The following UBA6 variants were observed in gnomAD, a reference collection of about 807,000 sequenced individuals.
The protein encoded by UBA6 is ubiquitin like modifier activating enzyme 6.
Under a neutral mutation model 148.3 loss-of-function variants are expected in UBA6, and 87 were observed. The ratio of observed to expected loss-of-function variants is 0.59; its 90% confidence interval spans 0.49 to 0.70. The LOEUF is 0.70. UBA6 is among the 30% of genes least tolerant of loss of function. The pLI is 0.00. For synonymous variants in UBA6, 376 were observed against 401.0 expected (o/e 0.94, Z 0.75); for missense variants, 1,186 against 1,241.2 (o/e 0.96, Z 0.67).
In UBA6 at chr4:67,622,780, A is replaced by C. The variant is rs375045623; in HGVS notation, c.3023+51T>G. The C allele has an allele frequency of 1.2e-4, 157 of 1,311,018 alleles. No individual in the cohort carries two copies. In the African/African-American group the frequency reaches 2.2e-3, roughly 18 times the overall value. The allele number at this position is 1,311,018 out of a possible 1,614,324, so 81.2% of individuals were successfully genotyped here. A position where few individuals can be genotyped will look rare whatever the true frequency, so the allele number is the denominator to read the frequency against. ...TATATTTAATTTTTTAGTGTGCATC[A>C]ACTTACATTTAAATTCTTGTTAATC... On this transcript the variant is annotated intron_variant, in intron 32 of 32. Coordinates refer to ENST00000322244, the MANE Select transcript of UBA6 (RefSeq NM_018227.6).
intron 26 of UBA6, among the ~76,000 whole-genome samples, chr4:67,630,169 G>A (rs533680020): frequency 1.4e-4 from 21 of 152,172 alleles, no homozygotes; most frequent in Middle Eastern, 6.8e-3. Context: ...GAATAACTAG[G>A]ATAACTGAAG....
chr4:67,629,039 T>TC (rs1728937372), intron 27 of UBA6, 32 bp downstream of exon 27: 1 of 1,482,944 alleles, frequency 6.7e-7, no homozygotes, highest in African/African-American at 1.4e-5. Flanking sequence ...ATTCCCAAAC[T>TC]ATTTGCTGAA....
At chr4:67,673,814 CA>C (rs1730209956) in intron 6 of UBA6, 37 bp from the exon 7 acceptor site, 1 of 1,449,806 alleles carries the variant, frequency 6.9e-7, no homozygotes, top group African/African-American at 1.4e-5. Context: ...CTAGAAAATA[CA>C]TAATTATTTT....
intron 9 of UBA6, 139 bp from the exon 10 acceptor site, chr4:67,665,431 G>GTTTTT: frequency 1.2e-5 from 4 of 344,540 alleles, no homozygotes; most frequent in South Asian, 1.0e-4. Flanking sequence ...TTGTTTGTTT[G>GTTTTT]TTTTTTTTTT....
chr4:67,649,439 C>CTA (rs1475777440), intron 13 of UBA6, among the ~76,000 whole-genome samples: 1 of 151,850 alleles, frequency 6.6e-6, no homozygotes, highest in Non-Finnish European at 1.5e-5. Context: ...TCTTTGGATT[C>CTA]TATATGTCAC....
chr4:67,634,652 TTCTC>T (rs904997690), intron 20 of UBA6, 134 bp from the exon 21 acceptor site: 3 of 566,632 alleles, frequency 5.3e-6, no homozygotes, highest in East Asian at 3.1e-5. Context: ...TTTTTATATC[TTCTC>T]TCTCTTAGGC....
At chr4:67,637,158 G>T (rs1315731306) in intron 19 of UBA6, among the ~76,000 whole-genome samples, 1 of 151,606 alleles carries the variant, frequency 6.6e-6, no homozygotes, top group Non-Finnish European at 1.5e-5. Flanking sequence ...CCGCCCGGCA[G>T]CCGCCCCGTC....
chr4:67,681,289 A>G (rs1458288069), intron 4 of UBA6, among the ~76,000 whole-genome samples: 2 of 152,232 alleles, frequency 1.3e-5, no homozygotes, highest in Admixed American at 6.5e-5. Context: ...TGAAATTTAC[A>G]TCAAAATAAT....
rs529301908 is a variant in UBA6 at position 67,660,684 on chromosome 4, CAG to C, written c.1104+1503_1104+1504del. 4.4e-3 allele frequency among the ~76,000 whole-genome samples: 665 copies of C among 152,320 alleles called. 5 individuals carry two copies. The highest frequency in any genetic ancestry group is 0.015 in the African/African-American group (634 of 41,568). On this transcript the variant is annotated intron_variant, in intron 13 of 32. Transcript: ENST00000322244. ...GGATAATGTGGGGTTGGAGCCCCCACAGAGAGTCCCCATTGGCACTGCCTAGT... is the reference window on the plus strand; with the variant it reads ...GGATAATGTGGGGTTGGAGCCCCCACAGAGTCCCCATTGGCACTGCCTAGT...
In UBA6 at chr4:67,637,411, G is replaced by A. The variant is rs573269035; in HGVS notation, c.1736+1532C>T. On this transcript the variant is annotated intron_variant, in intron 19 of 32. Transcript: ENST00000322244. The stretch of plus-strand genomic sequence containing the variant: ...TGGGAAGTGAGGAGCCCCTCTGCCC[G>A]GCTGCCACCCCGTCTGGGAGGTGTA... 3.7e-3 allele frequency among the ~76,000 whole-genome samples: 562 copies of A among 151,334 alleles called. 3 individuals are homozygous for A. Among genetic ancestry groups the A allele is most frequent in the African/African-American group, 0.013 (536 of 41,246 alleles).
chr4:67,699,721 C>T (rs1730928329), intron 1 of UBA6, among the ~76,000 whole-genome samples: 1 of 152,116 alleles, frequency 6.6e-6, no homozygotes, highest in Non-Finnish European at 1.5e-5. Context: ...CTCATCTTAG[C>T]CTCCCGAGTA....
At chr4:67,631,639 T>C (rs903546746) in intron 25 of UBA6, 69 bp downstream of exon 25, 10 of 1,177,690 alleles carry the variant, frequency 8.5e-6, no homozygotes, top group Admixed American at 2.2e-5. Flanking sequence ...CTCTGCAATG[T>C]ACAGTTAAGG....
At chr4:67,619,979 T>C (rs1000673732) in intron 32 of UBA6, among the ~76,000 whole-genome samples, 1 of 152,226 alleles carries the variant, frequency 6.6e-6, no homozygotes, top group Non-Finnish European at 1.5e-5. Context: ...TCCTGCCTAA[T>C]AATTTTATCA....
intron 23 of UBA6, 28 bp downstream of exon 23, chr4:67,633,317 T>G: frequency 6.5e-7 from 1 of 1,547,884 alleles, no homozygotes; most frequent in Non-Finnish European, 8.7e-7. Context: ...ATCAGACCTT[T>G]TCTTAATGTC....
At chr4:67,675,618 C>A (rs1273653371) in intron 6 of UBA6, among the ~76,000 whole-genome samples, 2 of 152,026 alleles carry the variant, frequency 1.3e-5, no homozygotes, top group Non-Finnish European at 2.9e-5. Context: ...GTGATCCCAG[C>A]TACTTGGGAG....
rs1369296718 is a variant in UBA6, at chr4:67,629,136, A to G, written c.2335T>C (p.Ser779Pro). 1 of 1,606,196 alleles carries G rather than the reference A, an allele frequency of 6.2e-7. No individual in the cohort carries two copies. Among genetic ancestry groups the G allele is most frequent in the South Asian group, 1.1e-5 (1 of 90,892 alleles). ...AGAATATTCAAGAGGGCATCTGCTGATAAGTCCTGTTTTTAAAAAAGTAAT... is the reference window on the plus strand; with the variant it reads ...AGAATATTCAAGAGGGCATCTGCTGGTAAGTCCTGTTTTTAAAAAAGTAAT... ...YCIPFAEEDL[S>P]ADALLNILSE... is the part of the protein sequence containing the mutation. The change falls in exon 27 of 33, where the codon TCA (serine) becomes CCA (proline). Residue 779 changes from serine to proline, a missense_variant. Ser to Pro is a moderately conservative substitution (Grantham distance 74, BLOSUM62 -1). Coordinates refer to ENST00000322244, the MANE Select transcript of UBA6 (RefSeq NM_018227.6).
chr4:67,678,600 C>T (rs28483797), intron 4 of UBA6, 67 bp from the exon 5 acceptor site: 282,652 of 741,064 alleles, frequency 0.38, 54,985 homozygotes, highest in Middle Eastern at 0.46. Context: ...TCCAGTATTA[C>T]TGACAATGTA....
intron 8 of UBA6, 131 bp from the exon 9 acceptor site, chr4:67,668,805 T>A: frequency 1.3e-6 from 1 of 774,654 alleles, no homozygotes; most frequent in Non-Finnish European, 2.0e-6. Flanking sequence ...TATTCTTCTG[T>A]TAGTAAAAGC....
intron 6 of UBA6, among the ~76,000 whole-genome samples, chr4:67,674,777 C>T (rs1233043391): frequency 2.0e-5 from 3 of 152,288 alleles, no homozygotes; most frequent in South Asian, 2.1e-4. Context: ...CTATTGCTTT[C>T]TATCTAGAAA....
Sources: gnomAD v4.1 joint callset for allele counts (sites outside exome capture counted in the v4.1 genomes callset) on GRCh38, gnomAD v4.1.1 for gene constraint, MANE v1.5 for transcripts, NCBI Gene and HGNC (gene_info 2026-07-23, HGNC 2026-07-21) for gene names.